Variants in DIABLO observed in about 807,000 individuals in gnomAD.
DIABLO encodes diablo homolog, mitochondrial.
In DIABLO, 32 loss-of-function variants were observed where a neutral mutation model predicts 31.7. The ratio of observed to expected loss-of-function variants is 1.01; its 90% CI spans 0.76 to 1.35. The LOEUF (loss-of-function observed/expected upper bound fraction) is 1.35, where lower values mean the gene tolerates loss of function less well. Ranked by LOEUF, DIABLO falls within the 40% of genes most tolerant of loss-of-function variation. The pLI is 0.00. For synonymous variants in DIABLO, 132 were observed against 103.2 expected (o/e 1.28, Z -1.69); for missense variants, 316 against 286.4 (o/e 1.10, Z -0.75).
intron 5 of DIABLO, among the ~76,000 whole-genome samples, chr12:122,212,320 A>G (rs1210414004): frequency 6.6e-6 from 1 of 152,082 alleles, no homozygotes; most frequent in African/African-American, 2.4e-5. Flanking sequence ...AGAACTTTTG[A>G]AAAAAAATCT....
Position 122,215,882 on chromosome 12 carries a change from G to GAA in DIABLO, c.523+605_523+606insTT, listed in dbSNP as rs1566024318. 3.8e-3 allele frequency among the ~76,000 whole-genome samples: 78 copies of GAA among 20,384 alleles called. 4 individuals are homozygous for GAA. The highest frequency in any genetic ancestry group is 7.5e-3 in the East Asian group (4 of 530). 13.4% of individuals were successfully genotyped at this position (20,384 alleles called of 152,430 possible). A position where few individuals can be genotyped will look rare whatever the true frequency, so the allele number is the denominator to read the frequency against. ...TAAAACCCCATCTCTATTTTATGAA[G>GAA]GAAAAAAAAAAAAAAAAAAAAAAGA... On this transcript the variant is annotated intron_variant, in intron 5 of 5. Transcript: ENST00000464942.
intron 5 of DIABLO, among the ~76,000 whole-genome samples, chr12:122,214,193 A>ATCTTT (rs1954154026): frequency 6.6e-6 from 1 of 152,162 alleles, no homozygotes; most frequent in Non-Finnish European, 1.5e-5. Context: ...AATGTTTTAT[A>ATCTTT]TCTTTTCTTT....
upstream of DIABLO, chr12:122,227,317 T>G: frequency 2.2e-6 from 1 of 449,486 alleles, no homozygotes; most frequent in South Asian, 1.6e-5. Flanking sequence ...CTCCCCACAG[T>G]GTCAGGCACT....
Position 122,216,869 on chromosome 12 carries a change from C to A in DIABLO, c.316G>T (p.Ala106Ser), listed in dbSNP as rs1954225500. 1 of 1,609,620 alleles carries A rather than the reference C, an allele frequency of 6.2e-7. No homozygotes were observed. Among genetic ancestry groups the A allele is most frequent in the Admixed American group, 1.7e-5 (1 of 59,986 alleles). ...LIEAITEYTK[A>S]VYTLTSLYRQ... is the part of the protein sequence containing the mutation. ...TAAAGAGAAGTTAAGGTATAAACAG[C>A]CTACAAATAGAGAATGAACAAGTCT... Residue 106 changes from alanine (A) to serine (S), a missense_variant and splice_region_variant, in exon 4 of 6, where the codon GCT becomes TCT. Physicochemically the swap from Ala to Ser is moderately conservative, Grantham distance 99 (BLOSUM62 1). Coordinates refer to ENST00000464942, the MANE Select transcript of DIABLO (RefSeq NM_001371333.1).
At chr12:122,215,297 G>C (rs1349015145) in intron 5 of DIABLO, among the ~76,000 whole-genome samples, 6 of 151,906 alleles carry the variant, frequency 3.9e-5, no homozygotes, top group Admixed American at 2.0e-4. Flanking sequence ...AAAAAAATTT[G>C]GCCGGACACA....
At position 122,217,896 on chromosome 12, in the gene DIABLO, C is replaced by T. The variant is rs114498013; in HGVS notation, c.315+370G>A. The T allele has an allele frequency of 1.1e-5, 3 of 265,420 alleles. No homozygotes were observed. The East Asian group carries it at 2.9e-4, about 26-fold the overall frequency. 16.4% of individuals were successfully genotyped at this position (265,420 alleles called of 1,614,324 possible). A position where few individuals can be genotyped will look rare whatever the true frequency, so the allele number is the denominator to read the frequency against. Reference sequence around the variant, plus strand: ...CACAGAGCAACCTCTGTTGATGGACCACAGGCCCCTGTGCCCTTAACTGAA... The same window carrying T: ...CACAGAGCAACCTCTGTTGATGGACTACAGGCCCCTGTGCCCTTAACTGAA... On this transcript the variant is annotated intron_variant, in intron 3 of 5. Transcript: ENST00000464942.
At chr12:122,223,426 C>CT (rs1954377468) in intron 2 of DIABLO, among the ~76,000 whole-genome samples, 1 of 142,744 alleles carries the variant, frequency 7.0e-6, no homozygotes, top group Non-Finnish European at 1.5e-5. Flanking sequence ...GAGTGAGACT[C>CT]TGTCTTTAAA....
rs137928955 is a variant in DIABLO, at chr12:122,216,877, T to C, written c.316-8A>G. 3.0e-4 allele frequency: 484 copies of C among 1,604,902 alleles called. 5 individuals carry two copies. The East Asian group carries it at 9.5e-3, about 31-fold the overall frequency. ...AGTTAAGGTATAAACAGCCTACAAA[T>C]AGAGAATGAACAAGTCTGAGTAAAG... On this transcript the variant is annotated splice_polypyrimidine_tract_variant and splice_region_variant and intron_variant, in intron 3 of 5. Transcript: ENST00000464942.
chr12:122,209,944 TC>T, intron 5 of DIABLO: 1 of 624,386 alleles, frequency 1.6e-6, no homozygotes, highest in South Asian at 1.8e-5. Context: ...TAGATTCGAA[TC>T]ATAAATGGCT....
rs555027548 is a variant in DIABLO at position 122,219,457 on chromosome 12, G to T, written c.184-1060C>A. ...ATGTATCATGGAAGCTGTGGGAGGA[G>T]TATGTATGAGCTACACTGGGGGCAT... On this transcript the variant is annotated intron_variant, in intron 2 of 5. Coordinates refer to ENST00000464942, the MANE Select transcript of DIABLO (RefSeq NM_001371333.1). Among the ~76,000 whole-genome samples the T allele has an allele frequency of 5.3e-5, 8 of 152,190 alleles. No homozygotes were observed. The East Asian group carries it at 1.5e-3, about 29-fold the overall frequency.
intron 5 of DIABLO, among the ~76,000 whole-genome samples, chr12:122,213,303 G>T (rs1039871055): frequency 2.0e-5 from 3 of 151,610 alleles, no homozygotes; most frequent in African/African-American, 7.3e-5. Context: ...GCCAAGGCGG[G>T]TGGATCACTT....
Position 122,226,034 on chromosome 12 carries a change from A to G in DIABLO, c.-20T>C. 1.3e-6 allele frequency: 2 copies of G among 1,599,070 alleles called. No individual in the cohort carries two copies. Among genetic ancestry groups the G allele is most frequent in the Non-Finnish European group, 1.7e-6 (2 of 1,174,438 alleles). On this transcript the variant is annotated 5_prime_UTR_variant, in exon 1 of 6. Transcript: ENST00000464942. ...CGCCATTGTGCAGCGCGCGGACGCC[A>G]GACGCACACGCCGGAAGTGACGCAG...
At chr12:122,213,458 T>C (rs954999072) in intron 5 of DIABLO, among the ~76,000 whole-genome samples, 6 of 148,234 alleles carry the variant, frequency 4.0e-5, no homozygotes, top group South Asian at 2.1e-4. Flanking sequence ...TGAGCCATGA[T>C]TGTGCCACTG....
At chr12:122,225,537 C>T in intron 1 of DIABLO, 2 of 1,098,770 alleles carry the variant, frequency 1.8e-6, no homozygotes, top group Non-Finnish European at 2.2e-6. Flanking sequence ...CAGGAGCCTG[C>T]AGCGCTAGGT....
At chr12:122,208,806 C>A (rs1220367570) in intron 5 of DIABLO, 2 of 638,976 alleles carry the variant, frequency 3.1e-6, no homozygotes, top group Non-Finnish European at 5.8e-6. Flanking sequence ...CAGCGGCCAA[C>A]ATCACAATTA....
At chr12:122,211,495 G>A (rs1954088191) in intron 5 of DIABLO, among the ~76,000 whole-genome samples, 1 of 151,942 alleles carries the variant, frequency 6.6e-6, no homozygotes, top group South Asian at 2.1e-4. Flanking sequence ...GATCACTTGA[G>A]CCCATGAGTT....
At chr12:122,226,778 C>T (rs1954488876), upstream of DIABLO, 1 of 549,606 alleles carries the variant, frequency 1.8e-6, no homozygotes, top group Non-Finnish European at 3.2e-6. Context: ...TTCTTCGGCT[C>T]TGATCCGGGC....
chr12:122,210,371 C>CT (rs11312074), intron 5 of DIABLO, among the ~76,000 whole-genome samples: 87 of 73,798 alleles, frequency 1.2e-3, no homozygotes, highest in Middle Eastern at 6.9e-3. Context: ...CCATTTCTAC[C>CT]TTTTTTTTTT....
intron 3 of DIABLO, among the ~76,000 whole-genome samples, chr12:122,218,049 T>TC (rs1392494911): frequency 4.6e-5 from 7 of 152,114 alleles, no homozygotes; most frequent in Non-Finnish European, 1.5e-5. Flanking sequence ...CAGCAAACTT[T>TC]TTGAAGGGCC....
Sources: allele counts gnomAD v4.1 joint callset (sites outside exome capture counted in the v4.1 genomes callset), GRCh38; gene constraint gnomAD v4.1.1; transcripts MANE v1.5; gene names NCBI Gene and HGNC (gene_info 2026-07-23, HGNC 2026-07-21).